The following ACTN4 variants were observed in gnomAD, a reference collection of about 807,000 sequenced individuals.
ACTN4 encodes actinin alpha 4.
Under a neutral mutation model 114.2 loss-of-function variants are expected in ACTN4, and 18 were observed. That is an observed-to-expected ratio of 0.16 (90% confidence interval 0.11 to 0.23). ACTN4 has a LOEUF of 0.23. ACTN4 is among the 10% of genes least tolerant of loss of function. The pLI, the probability that ACTN4 is intolerant of heterozygous loss-of-function variation, is 1.00. For missense variants in ACTN4, 722 were observed against 1,262.9 expected (o/e 0.57, Z 6.49); for synonymous variants, 515 against 506.3 (o/e 1.02, Z -0.23).
intron 19 of ACTN4, 43 bp from the exon 20 acceptor site, chr19:38,728,953 C>A: frequency 6.2e-7 from 1 of 1,610,830 alleles, no homozygotes; most frequent in African/African-American, 1.3e-5. Context: ...TGCCCCTGCC[C>A]CACTAAATGT....
Position 38,724,637 on chromosome 19 carries a change from C to G in ACTN4, c.2010+72C>G. Reference sequence around the variant, plus strand: ...CTCCCGTAGTGAGGGGGTCCCCGGCCAGCCCAGGGCCTGCAGACTGAGGCG... The same window carrying G: ...CTCCCGTAGTGAGGGGGTCCCCGGCGAGCCCAGGGCCTGCAGACTGAGGCG... On this transcript the variant is annotated intron_variant, in intron 16 of 20. Transcript: ENST00000252699. This position sits in a 1 kb window ranked among gnomAD's most constrained non-coding sequence, Gnocchi z 7.0. 6.2e-7 allele frequency: 1 copy of G among 1,606,036 alleles called. No individual in the cohort carries two copies. The highest frequency in any genetic ancestry group is 8.5e-7 in the Non-Finnish European group (1 of 1,179,124).
intron 1 of ACTN4, among the ~76,000 whole-genome samples, chr19:38,666,943 G>T (rs747851415): frequency 6.6e-6 from 1 of 152,050 alleles, no homozygotes; most frequent in Non-Finnish European, 1.5e-5. Context: ...TGGGGGAGGG[G>T]GTGAAGGAGA....
intron 1 of ACTN4, among the ~76,000 whole-genome samples, chr19:38,669,935 C>T (rs1353779467): frequency 6.6e-6 from 1 of 152,166 alleles, no homozygotes; most frequent in Non-Finnish European, 1.5e-5. Flanking sequence ...AATCTCAAGG[C>T]TCAGTCTTCA....
At chr19:38,686,786 G>A (rs1334444893) in intron 1 of ACTN4, among the ~76,000 whole-genome samples, 4 of 152,010 alleles carry the variant, frequency 2.6e-5, no homozygotes, top group Non-Finnish European at 4.4e-5. Context: ...GGTTTGGGTT[G>A]GTTGGTTGGT....
intron 5 of ACTN4, 72 bp from the exon 6 acceptor site, chr19:38,708,045 G>A: frequency 6.9e-7 from 1 of 1,459,598 alleles, no homozygotes; most frequent in Non-Finnish European, 9.6e-7. Context: ...ACTGCTGTGG[G>A]TGCACAGGGC....
intron 1 of ACTN4, among the ~76,000 whole-genome samples, chr19:38,683,553 C>G (rs1037711940): frequency 2.0e-5 from 3 of 152,216 alleles, no homozygotes; most frequent in African/African-American, 7.2e-5. Context: ...ACTTTTCCCC[C>G]CCTTCTCTAA....
chr19:38,672,140 A>AAG (rs1179319918), intron 1 of ACTN4, among the ~76,000 whole-genome samples: 1 of 151,944 alleles, frequency 6.6e-6, no homozygotes, highest in Admixed American at 6.6e-5. Flanking sequence ...TGTGCCACCT[A>AAG]AGGTACATTA....
At chr19:38,681,082 C>T (rs867475793) in intron 1 of ACTN4, among the ~76,000 whole-genome samples, 8 of 134,022 alleles carry the variant, frequency 6.0e-5, no homozygotes, top group Admixed American at 1.7e-4. Flanking sequence ...GCTGAGATTG[C>T]GCCACTGTAC....
intron 1 of ACTN4, among the ~76,000 whole-genome samples, chr19:38,656,336 T>A (rs1976710813): frequency 6.6e-6 from 1 of 152,188 alleles, no homozygotes; most frequent in South Asian, 2.1e-4. Flanking sequence ...GGTCTCAGCC[T>A]CCCAAAGTCT....
At chr19:38,709,103 G>T (rs896794012) in intron 6 of ACTN4, among the ~76,000 whole-genome samples, 1 of 151,900 alleles carries the variant, frequency 6.6e-6, no homozygotes. Context: ...AGGGGCTTAA[G>T]CTAGGGTCTG....
At chr19:38,657,627 A>ATTTATTTTTTC (rs1226064035) in intron 1 of ACTN4, among the ~76,000 whole-genome samples, 3 of 152,040 alleles carry the variant, frequency 2.0e-5, no homozygotes, top group African/African-American at 7.2e-5. Flanking sequence ...AAATAGATGC[A>ATTTATTTTTTC]TTTCTTTTTT....
At position 38,647,762 on chromosome 19, in the gene ACTN4, C is replaced by T. The variant is rs1270704151; in HGVS notation, c.17C>T (p.Ala6Val). The T allele has an allele frequency of 6.4e-7, 1 of 1,550,564 alleles. No homozygotes were observed. The highest frequency in any genetic ancestry group is 1.2e-5 in the South Asian group (1 of 83,950). Residue 6 changes from alanine (A) to valine (V), a missense_variant, in exon 1 of 21, where the codon GCG (alanine) becomes GTG (valine). Transcript: ENST00000252699. Reference protein sequence around the residue: MVDYHAANQSYQYGPS... With the variant: MVDYHVANQSYQYGPS... ...GGCGGCGGAATGGTGGACTACCACG[C>T]GGCGAACCAGTCGTACCAGTACGGC...
chr19:38,681,255 A>G (rs1242317629), intron 1 of ACTN4, among the ~76,000 whole-genome samples: 1 of 151,950 alleles, frequency 6.6e-6, no homozygotes, highest in Non-Finnish European at 1.5e-5. Flanking sequence ...ATGCACAGGA[A>G]ATGCTCCAAC....
At chr19:38,665,816 G>T (rs1350175717) in intron 1 of ACTN4, among the ~76,000 whole-genome samples, 2 of 152,118 alleles carry the variant, frequency 1.3e-5, no homozygotes, top group Non-Finnish European at 2.9e-5. Context: ...TACTAAGTTT[G>T]CTATCAGCCG....
intron 1 of ACTN4, among the ~76,000 whole-genome samples, chr19:38,658,080 G>A (rs76220083): frequency 6.6e-6 from 1 of 152,156 alleles, no homozygotes; most frequent in African/African-American, 2.4e-5. Flanking sequence ...CCTGCCACTT[G>A]GTATCACAGG....
Position 38,717,797 on chromosome 19 carries a change from A to G in ACTN4, c.1144-130A>G, listed in dbSNP as rs1470701397. The G allele has an allele frequency of 1.6e-6, 2 of 1,267,488 alleles. No individual in the cohort carries two copies. Among genetic ancestry groups the G allele is most frequent in the Non-Finnish European group, 2.2e-6 (2 of 900,550 alleles). The allele number at this position is 1,267,488 out of a possible 1,614,324, so 78.5% of individuals were successfully genotyped here. On this transcript the variant is annotated intron_variant, in intron 10 of 20. Coordinates refer to ENST00000252699, the MANE Select transcript of ACTN4 (RefSeq NM_004924.6). The surrounding 1 kb of genome is among the most constrained non-coding windows in gnomAD (Gnocchi z 4.0). ...GGGCCCTGTGTAGGCATCCAGGTAT[A>G]ATAGCAAAGCATGACACAGACATGA...
intron 1 of ACTN4, among the ~76,000 whole-genome samples, chr19:38,669,361 G>A (rs1967063945): frequency 6.6e-6 from 1 of 152,232 alleles, no homozygotes; most frequent in Non-Finnish European, 1.5e-5. Context: ...CAAGAAGGAG[G>A]CAAGAAGGAT....
chr19:38,724,636 C>T lies in ACTN4; in HGVS notation c.2010+71C>T. On this transcript the variant is annotated intron_variant, in intron 16 of 20. Transcript: ENST00000252699. The surrounding 1 kb of genome is among the most constrained non-coding windows in gnomAD (Gnocchi z 7.0). Reference sequence around the variant, plus strand: ...GCTCCCGTAGTGAGGGGGTCCCCGGCCAGCCCAGGGCCTGCAGACTGAGGC... The same window carrying T: ...GCTCCCGTAGTGAGGGGGTCCCCGGTCAGCCCAGGGCCTGCAGACTGAGGC... 6.2e-7 allele frequency: 1 copy of T among 1,606,278 alleles called. No individual in the cohort carries two copies. The highest frequency in any genetic ancestry group is 8.5e-7 in the Non-Finnish European group (1 of 1,179,192).
intron 1 of ACTN4, among the ~76,000 whole-genome samples, chr19:38,652,946 C>A (rs1219966456): frequency 6.6e-6 from 1 of 152,014 alleles, no homozygotes; most frequent in East Asian, 1.9e-4. Flanking sequence ...ATTAACTGGG[C>A]ATGGTGGCAG....
Sources: allele counts gnomAD v4.1 joint callset (sites outside exome capture counted in the v4.1 genomes callset), GRCh38; gene constraint gnomAD v4.1.1; non-coding constraint Gnocchi (gnomAD v3.1); transcripts MANE v1.5; gene names NCBI Gene and HGNC (gene_info 2026-07-23, HGNC 2026-07-21).